The following SLCO3A1 variants were observed in gnomAD, a reference collection of about 807,000 sequenced individuals.
The protein encoded by SLCO3A1 is PGE1 transporter.
Under a neutral mutation model 63.1 loss-of-function variants are expected in SLCO3A1, and 27 were observed. The observed-to-expected ratio is 0.43, with a 90% CI of 0.32 to 0.59. The LOEUF is 0.59. Among genes scored for constraint, SLCO3A1 ranks in the 20% least tolerant of loss-of-function variants. The pLI, the probability that SLCO3A1 is intolerant of heterozygous loss-of-function variation, is 0.09. For synonymous variants in SLCO3A1, 473 were observed against 409.9 expected, an observed-to-expected ratio of 1.15 and a Z score of -1.86; for missense variants, 773 against 945.8, an observed-to-expected ratio of 0.82 and a Z score of 2.40.
At position 91,967,630 on chromosome 15, in the gene SLCO3A1, C is replaced by T. The variant is rs891618687; in HGVS notation, c.646+51172C>T. 6.6e-6 allele frequency among the ~76,000 whole-genome samples: 1 copy of T among 152,170 alleles called. No individual in the cohort carries two copies. Among genetic ancestry groups the T allele is most frequent in the African/African-American group, 2.4e-5 (1 of 41,424 alleles). On this transcript the variant is annotated intron_variant, in intron 2 of 9. Coordinates refer to ENST00000318445, the MANE Select transcript of SLCO3A1 (RefSeq NM_013272.4). This position sits in a 1 kb window ranked among gnomAD's most constrained non-coding sequence, Gnocchi z 4.4. ...AATCCCATATGAAATAAATTAAACC[C>T]GTTTTACAGATGGATTAATTGTTTT...
chr15:91,854,342 G>T lies in SLCO3A1; in HGVS notation c.180+254G>T, dbSNP rs1896856306. ...CGTCCGGCTGGGGCAGGGGGTGCCG[G>T]GGGAGGAGAGGCGGCGGGCAGGTGG... On this transcript the variant is annotated intron_variant, in intron 1 of 9. Transcript: ENST00000318445. This position sits in a 1 kb window ranked among gnomAD's most constrained non-coding sequence, Gnocchi z 6.4. The T allele has an allele frequency of 8.9e-7, 1 of 1,126,388 alleles. No homozygotes were observed. The highest frequency in any genetic ancestry group is 1.6e-5 in the African/African-American group (1 of 61,064). The allele number at this position is 1,126,388 out of a possible 1,614,324, so 69.8% of individuals were successfully genotyped here.
chr15:92,014,928 G>T (rs534854653), intron 2 of SLCO3A1, among the ~76,000 whole-genome samples: 2 of 152,298 alleles, frequency 1.3e-5, no homozygotes, highest in African/African-American at 4.8e-5. Flanking sequence ...AGCTGTGAGT[G>T]TAAGTCCTTC....
intron 7 of SLCO3A1, among the ~76,000 whole-genome samples, chr15:92,140,694 T>C (rs1446087413): frequency 6.6e-6 from 1 of 152,202 alleles, no homozygotes; most frequent in African/African-American, 2.4e-5. Flanking sequence ...TTAGGATAGT[T>C]AGCTCTTCTT....
intron 2 of SLCO3A1, among the ~76,000 whole-genome samples, chr15:91,979,766 T>C (rs1363036772): frequency 6.6e-6 from 1 of 152,214 alleles, no homozygotes; most frequent in Non-Finnish European, 1.5e-5. Context: ...ATACAATGCA[T>C]GTCAAGTGCT....
intron 6 of SLCO3A1, among the ~76,000 whole-genome samples, chr15:92,127,558 G>A (rs28615808): frequency 0.025 from 3,846 of 152,236 alleles, 151 homozygotes; most frequent in African/African-American, 0.088. Context: ...TGTCGCCATC[G>A]TCACCTTTAT....
intron 2 of SLCO3A1, among the ~76,000 whole-genome samples, chr15:92,027,018 A>C (rs2151476404): frequency 6.6e-6 from 1 of 150,492 alleles, no homozygotes; most frequent in Non-Finnish European, 1.5e-5. Flanking sequence ...TGAACCCAGG[A>C]GGTGGAGGTT....
intron 2 of SLCO3A1, among the ~76,000 whole-genome samples, chr15:91,989,216 C>T (rs949528192): frequency 6.6e-6 from 1 of 152,334 alleles, no homozygotes; most frequent in African/African-American, 2.4e-5. Flanking sequence ...TCAGCTGCCA[C>T]CTCCTCTTTA....
chr15:91,891,957 G>A (rs1010184805), intron 1 of SLCO3A1, among the ~76,000 whole-genome samples: 8 of 152,202 alleles, frequency 5.3e-5, no homozygotes, highest in African/African-American at 1.9e-4. Flanking sequence ...ACAGACAGGT[G>A]GTGAATGGGA....
intron 2 of SLCO3A1, among the ~76,000 whole-genome samples, chr15:91,981,679 C>T (rs991125985): frequency 2.0e-5 from 3 of 152,150 alleles, no homozygotes; most frequent in Admixed American, 6.5e-5. Context: ...TCACCCAATC[C>T]GAAAACCCTT....
chr15:92,127,869 C>A (rs116838880), intron 6 of SLCO3A1, among the ~76,000 whole-genome samples: 2 of 152,214 alleles, frequency 1.3e-5, no homozygotes, highest in East Asian at 3.9e-4. Context: ...AGCAAAGAGA[C>A]AAGAACCAGC....
intron 7 of SLCO3A1, among the ~76,000 whole-genome samples, chr15:92,142,408 C>T (rs1006877672): frequency 6.6e-6 from 1 of 152,154 alleles, no homozygotes; most frequent in African/African-American, 2.4e-5. Flanking sequence ...TCATAGATGG[C>T]ACCCTCTAGC....
intron 2 of SLCO3A1, among the ~76,000 whole-genome samples, chr15:91,936,084 C>G (rs1025366175): frequency 3.8e-4 from 58 of 152,158 alleles, no homozygotes; most frequent in African/African-American, 1.2e-3. Context: ...CTGACTAGCT[C>G]TGTAGCTTAG....
At chr15:92,089,427 T>C (rs574947726) in intron 2 of SLCO3A1, among the ~76,000 whole-genome samples, 1 of 152,334 alleles carries the variant, frequency 6.6e-6, no homozygotes, top group East Asian at 1.9e-4. Flanking sequence ...TCATGTACTC[T>C]CATCTTGGTA....
chr15:91,980,801 G>A (rs533978965), intron 2 of SLCO3A1, among the ~76,000 whole-genome samples: 65 of 152,232 alleles, frequency 4.3e-4, no homozygotes, highest in African/African-American at 1.5e-3. Context: ...TTCTACTTCT[G>A]TGCAAGCTGA....
At chr15:92,172,076 G>A in exon 11 of SLCO3A1, 1 of 514,062 alleles carries the variant, frequency 1.9e-6, no homozygotes, top group East Asian at 3.1e-5. Flanking sequence ...ACAGCTCTCA[G>A]AGTAGGCATC....
intron 2 of SLCO3A1, among the ~76,000 whole-genome samples, chr15:92,026,839 A>T (rs1236081937): frequency 6.6e-6 from 1 of 152,220 alleles, no homozygotes; most frequent in Non-Finnish European, 1.5e-5. Flanking sequence ...CTGTAATCCC[A>T]GCATTTTCGG....
intron 2 of SLCO3A1, among the ~76,000 whole-genome samples, chr15:91,961,086 C>T (rs1031868485): frequency 1.3e-5 from 2 of 152,194 alleles, no homozygotes; most frequent in African/African-American, 4.8e-5. Context: ...ATTTGCCATT[C>T]TGCTCCGAGA....
At chr15:92,043,380 C>T (rs1411463913) in intron 2 of SLCO3A1, among the ~76,000 whole-genome samples, 1 of 152,196 alleles carries the variant, frequency 6.6e-6, no homozygotes, top group Non-Finnish European at 1.5e-5. Flanking sequence ...TTAAACATCA[C>T]ACAGTGCAGG....
intron 2 of SLCO3A1, among the ~76,000 whole-genome samples, chr15:92,048,104 C>T (rs1597258244): frequency 6.6e-6 from 1 of 152,232 alleles, no homozygotes; most frequent in East Asian, 1.9e-4. Flanking sequence ...ATAGGAACTG[C>T]TTCTCTGCTC....
Sources: gnomAD v4.1 joint callset for allele counts (sites outside exome capture counted in the v4.1 genomes callset) on GRCh38, gnomAD v4.1.1 for gene constraint, Gnocchi (gnomAD v3.1) non-coding constraint, MANE v1.5 for transcripts, NCBI Gene and HGNC (gene_info 2026-07-23, HGNC 2026-07-21) for gene names.